The following LSAMP variants were observed in gnomAD, a reference collection of about 807,000 sequenced individuals.
LSAMP encodes the protein limbic system associated membrane protein, also known as limbic system-associated membrane protein.
Under a neutral mutation model 38.6 loss-of-function variants are expected in LSAMP, and 7 were observed. The ratio of observed to expected loss-of-function variants is 0.18; its 90% CI spans 0.10 to 0.34. The LOEUF (loss-of-function observed/expected upper bound fraction) is 0.34, where lower values mean the gene tolerates loss of function less well. Ranked by LOEUF, LSAMP falls within the 10% of genes least tolerant of loss-of-function variation. The probability of loss-of-function intolerance (pLI) is 1.00; values close to 1 mark genes in which losing one functional copy is unlikely to be tolerated. For missense variants in LSAMP, 313 were observed against 420.0 expected, an observed-to-expected ratio of 0.75 and a Z score of 2.23; for synonymous variants, 154 against 166.8, an observed-to-expected ratio of 0.92 and a Z score of 0.59.
rs573311639 is a variant in LSAMP at position 116,105,889 on chromosome 3, C to T, written c.156-19333G>A. Among the ~76,000 whole-genome samples, 799 of 151,762 alleles carry T rather than the reference C, an allele frequency of 5.3e-3. 2 individuals carry two copies. The highest frequency in any genetic ancestry group is 0.018 in the African/African-American group (761 of 41,354). ...GGGGGTGGTATGGAGAGAGAATGGGCGATGTTTCTCAGGGCTGTTTCAAGC... is the reference window on the plus strand; with the variant it reads ...GGGGGTGGTATGGAGAGAGAATGGGTGATGTTTCTCAGGGCTGTTTCAAGC... On this transcript the variant is annotated intron_variant, in intron 1 of 6. Coordinates refer to ENST00000490035, the MANE Select transcript of LSAMP (RefSeq NM_002338.5).
intron 3 of LSAMP, among the ~76,000 whole-genome samples, chr3:115,947,652 G>T (rs1456543793): frequency 6.6e-6 from 1 of 151,990 alleles, no homozygotes; most frequent in Non-Finnish European, 1.5e-5. Context: ...TATTTTTATT[G>T]TATGCACATT....
chr3:116,343,949 T>C (rs1224815621), intron 1 of LSAMP, among the ~76,000 whole-genome samples: 1 of 151,848 alleles, frequency 6.6e-6, no homozygotes, highest in African/African-American at 2.4e-5. Flanking sequence ...TATTCCTGAG[T>C]AAAAGGGAAA....
chr3:116,374,245 T>C (rs1042098398), intron 1 of LSAMP, among the ~76,000 whole-genome samples: 1 of 151,924 alleles, frequency 6.6e-6, no homozygotes, highest in African/African-American at 2.4e-5. Flanking sequence ...AGTGATTCCA[T>C]AGGCATTTTC....
Position 116,315,890 on chromosome 3 carries a change from T to G in LSAMP, c.155+128987A>C, listed in dbSNP as rs2047621836. Among the ~76,000 whole-genome samples, 3 of 152,218 alleles carry G rather than the reference T, an allele frequency of 2.0e-5. No homozygotes were observed. In the South Asian group the frequency reaches 6.2e-4, roughly 31 times the overall value. On this transcript the variant is annotated intron_variant, in intron 1 of 6. Transcript: ENST00000490035. The stretch of plus-strand genomic sequence containing the variant: ...TGTACTGTCTTTGGTATATGATGAA[T>G]AGTTAAATTTTGGAATTTCAACTAC...
chr3:116,169,765 C>T (rs547422809), intron 1 of LSAMP, among the ~76,000 whole-genome samples: 1 of 152,304 alleles, frequency 6.6e-6, no homozygotes, highest in East Asian at 1.9e-4. Context: ...TTGAATTTTT[C>T]AGCTGGGAGT....
chr3:116,084,593 C>T (rs1189338153), intron 2 of LSAMP, among the ~76,000 whole-genome samples: 1 of 151,998 alleles, frequency 6.6e-6, no homozygotes, highest in East Asian at 1.9e-4. Context: ...ATTTAATGAA[C>T]TTCTATTTGC....
At chr3:116,295,190 AG>A (rs1156697631) in intron 1 of LSAMP, among the ~76,000 whole-genome samples, 5 of 152,212 alleles carry the variant, frequency 3.3e-5, no homozygotes, top group African/African-American at 1.2e-4. Flanking sequence ...ACCCTACTCG[AG>A]GGGGAATCAT....
intron 2 of LSAMP, among the ~76,000 whole-genome samples, chr3:116,051,858 C>G (rs866525766): frequency 6.6e-6 from 1 of 152,016 alleles, no homozygotes; most frequent in Non-Finnish European, 1.5e-5. Context: ...TAATTTTCCT[C>G]TGCGGATGGA....
At chr3:116,156,795 C>G (rs1345066099) in intron 1 of LSAMP, among the ~76,000 whole-genome samples, 1 of 151,988 alleles carries the variant, frequency 6.6e-6, no homozygotes, top group African/African-American at 2.4e-5. Flanking sequence ...GACATAATCA[C>G]AGGAAAAGAA....
chr3:116,235,889 A>G (rs1250588089), intron 1 of LSAMP, among the ~76,000 whole-genome samples: 2 of 152,310 alleles, frequency 1.3e-5, no homozygotes, highest in Non-Finnish European at 2.9e-5. Context: ...ACTAAGAAAG[A>G]TGCTCTAATT....
At chr3:115,888,024 T>A (rs1435137332) in intron 3 of LSAMP, among the ~76,000 whole-genome samples, 1 of 151,958 alleles carries the variant, frequency 6.6e-6, no homozygotes. Flanking sequence ...CAAAGTACAG[T>A]GATACCTCAT....
chr3:116,388,597 T>A (rs1475411296), intron 1 of LSAMP, among the ~76,000 whole-genome samples: 1 of 152,190 alleles, frequency 6.6e-6, no homozygotes, highest in Non-Finnish European at 1.5e-5. Flanking sequence ...TCTTTACTTC[T>A]TTTCCAAAGT....
At chr3:115,849,856 T>C (rs7612144) in intron 4 of LSAMP, among the ~76,000 whole-genome samples, 66,061 of 151,988 alleles carry the variant, frequency 0.43, 15,350 homozygotes, top group African/African-American at 0.61. Context: ...CAAAGGAAAT[T>C]GATAAAATAT....
intron 2 of LSAMP, among the ~76,000 whole-genome samples, chr3:116,063,026 CAATT>C (rs1941623727): frequency 6.6e-6 from 1 of 152,104 alleles, no homozygotes; most frequent in Admixed American, 6.6e-5. Flanking sequence ...ATTTTATAAA[CAATT>C]CTTATACTGC....
At chr3:115,875,811 GAA>G (rs1936165634) in intron 3 of LSAMP, among the ~76,000 whole-genome samples, 2 of 151,984 alleles carry the variant, frequency 1.3e-5, no homozygotes, top group Admixed American at 1.3e-4. Flanking sequence ...TGGAAGAGTG[GAA>G]ATAGATATAT....
At chr3:116,286,579 C>T (rs961317093) in intron 1 of LSAMP, among the ~76,000 whole-genome samples, 10 of 152,040 alleles carry the variant, frequency 6.6e-5, no homozygotes, top group African/African-American at 2.4e-4. Context: ...TCTAACTCAC[C>T]CTCCTCCAGC....
chr3:115,891,511 T>G (rs904189590), intron 3 of LSAMP, among the ~76,000 whole-genome samples: 1 of 152,030 alleles, frequency 6.6e-6, no homozygotes, highest in African/African-American at 2.4e-5. Flanking sequence ...AGATCAGCAG[T>G]CACCTGGCCC....
chr3:116,427,275 C>T (rs6777473), intron 1 of LSAMP, among the ~76,000 whole-genome samples: 27,698 of 151,172 alleles, frequency 0.18, 2,806 homozygotes, highest in Middle Eastern at 0.28. Flanking sequence ...CGCCCACCAC[C>T]GCGCCCGGCT....
intron 1 of LSAMP, among the ~76,000 whole-genome samples, chr3:116,124,627 A>G (rs1390604169): frequency 5.3e-5 from 8 of 152,208 alleles, no homozygotes; most frequent in Admixed American, 4.6e-4. Context: ...TCTGGGCAGG[A>G]GAGATTTGAA....
Sources: allele counts gnomAD v4.1 joint callset (sites outside exome capture counted in the v4.1 genomes callset), GRCh38; gene constraint gnomAD v4.1.1; transcripts MANE v1.5; gene names NCBI Gene and HGNC (gene_info 2026-07-23, HGNC 2026-07-21).